SGIP1: variants seen among roughly 807,000 people sequenced by gnomAD.
SGIP1 encodes SH3GL interacting endocytic adaptor 1, also known as SH3-containing GRB2-like protein 3-interacting protein 1.
Under a neutral mutation model 107.5 loss-of-function variants are expected in SGIP1, and 38 were observed. That is an observed-to-expected ratio of 0.35 (90% CI 0.27 to 0.46). The LOEUF is 0.46. SGIP1 is among the 20% of genes least tolerant of loss of function. SGIP1 has a pLI of 1.00. For missense variants in SGIP1, 929 were observed against 1,019.5 expected (o/e 0.91, Z 1.21); for synonymous variants, 365 against 366.1 (o/e 1.00, Z 0.03).
At chr1:66,737,524 C>A (rs577388023) in intron 21 of SGIP1, among the ~76,000 whole-genome samples, 1 of 152,104 alleles carries the variant, frequency 6.6e-6, no homozygotes, top group Admixed American at 6.5e-5. Context: ...GAGACCCCAT[C>A]TCTACTTTTT....
At chr1:66,705,188 T>C (rs2092379549) in intron 18 of SGIP1, among the ~76,000 whole-genome samples, 1 of 152,230 alleles carries the variant, frequency 6.6e-6, no homozygotes, top group South Asian at 2.1e-4. Flanking sequence ...TTGTGTTCTC[T>C]TCTGCTGACT....
intron 17 of SGIP1, chr1:66,695,188 C>T (rs922321676): frequency 1.5e-5 from 11 of 711,980 alleles, no homozygotes; most frequent in African/African-American, 9.1e-5. Context: ...AAGTATCAAG[C>T]GACCACCAAC....
At chr1:66,581,591 A>G (rs1225986018) in intron 1 of SGIP1, among the ~76,000 whole-genome samples, 2 of 152,044 alleles carry the variant, frequency 1.3e-5, no homozygotes, top group Non-Finnish European at 2.9e-5. Flanking sequence ...CCATCTCTAT[A>G]AAAATAATTC....
intron 1 of SGIP1, among the ~76,000 whole-genome samples, chr1:66,538,735 A>T (rs888830584): frequency 1.4e-4 from 21 of 152,200 alleles, no homozygotes; most frequent in Admixed American, 1.0e-3. Flanking sequence ...TTAACCCAAT[A>T]TCTAGCTAAC....
At chr1:66,687,998 G>A (rs2088858301) in intron 15 of SGIP1, among the ~76,000 whole-genome samples, 1 of 152,172 alleles carries the variant, frequency 6.6e-6, no homozygotes, top group African/African-American at 2.4e-5. Context: ...GATAGGTTTT[G>A]CTGCTCAACT....
At chr1:66,536,603 A>G (rs1442054415) in intron 1 of SGIP1, among the ~76,000 whole-genome samples, 1 of 152,148 alleles carries the variant, frequency 6.6e-6, no homozygotes, top group African/African-American at 2.4e-5. Context: ...ATCTCTAGAG[A>G]TTGCCAGCCT....
intron 10 of SGIP1, among the ~76,000 whole-genome samples, 171 bp from the exon 11 acceptor site, chr1:66,671,773 C>T (rs901349120): frequency 1.3e-5 from 2 of 152,122 alleles, no homozygotes; most frequent in East Asian, 3.8e-4. Flanking sequence ...CTACATATGC[C>T]TAATATATGG....
At chr1:66,614,370 A>G (rs1056692473) in intron 1 of SGIP1, among the ~76,000 whole-genome samples, 1 of 152,166 alleles carries the variant, frequency 6.6e-6, no homozygotes, top group African/African-American at 2.4e-5. Flanking sequence ...TATGTTACCT[A>G]TTGTGATTTA....
In SGIP1 at chr1:66,741,299, A is replaced by G. The variant is rs776874749; in HGVS notation, c.2327A>G (p.Gln776Arg). 3.8e-6 allele frequency: 6 copies of G among 1,597,236 alleles called. No homozygotes were observed. Among genetic ancestry groups the G allele is most frequent in the Admixed American group, 1.7e-5 (1 of 57,292 alleles). ...GTGGGTTCTTTGTTGGCAAGATTTC[A>G]GTTATCTGAAGGCCCAAGCAAACCT... ...GGVGSLLARF[Q>R]LSEGPSKPSP... is the part of the protein sequence containing the mutation. The change falls in exon 24 of 25, where the codon CAG becomes CGG. Residue 776 changes from glutamine (Q) to arginine (R), a missense_variant. By Grantham distance (43) the Gln-to-Arg change is conservative. This residue lies in a region of SGIP1 where 341 missense variants were observed against 430.9 expected (regional missense o/e 0.79). Coordinates refer to ENST00000371037, the MANE Select transcript of SGIP1 (RefSeq NM_032291.4).
intron 1 of SGIP1, among the ~76,000 whole-genome samples, chr1:66,553,184 T>G (rs1157621695): frequency 6.6e-6 from 1 of 152,062 alleles, no homozygotes; most frequent in Non-Finnish European, 1.5e-5. Context: ...TCCTGTTCAT[T>G]TGCACCACAA....
chr1:66,700,241 C>A (rs1272737242), intron 18 of SGIP1, among the ~76,000 whole-genome samples: 1 of 152,008 alleles, frequency 6.6e-6, no homozygotes, highest in Admixed American at 6.5e-5. Flanking sequence ...CATGGTGGCA[C>A]GTGCCTGTAA....
At chr1:66,637,077 T>A (rs2075922739) in intron 4 of SGIP1, among the ~76,000 whole-genome samples, 1 of 152,134 alleles carries the variant, frequency 6.6e-6, no homozygotes, top group African/African-American at 2.4e-5. Context: ...AAAATCTATA[T>A]AATTACAATT....
rs1309221503 is a variant in SGIP1, at chr1:66,750,796, G to A, written c.*7701G>A. Among the ~76,000 whole-genome samples, 1 of 152,174 alleles carries A rather than the reference G, an allele frequency of 6.6e-6. No individual in the cohort carries two copies. Among genetic ancestry groups the A allele is most frequent in the African/African-American group, 2.4e-5 (1 of 41,440 alleles). On this transcript the variant is annotated 3_prime_UTR_variant, in exon 25 of 25. Coordinates refer to ENST00000371037, the MANE Select transcript of SGIP1 (RefSeq NM_032291.4). ...GACTTACTTGCTCCTTCACAGAATTGCAGCAAAGCTCTCTGCTGGGCAATG... is the reference window on the plus strand; with the variant it reads ...GACTTACTTGCTCCTTCACAGAATTACAGCAAAGCTCTCTGCTGGGCAATG...
At chr1:66,577,585 A>T (rs956479018) in intron 1 of SGIP1, among the ~76,000 whole-genome samples, 1 of 152,122 alleles carries the variant, frequency 6.6e-6, no homozygotes, top group African/African-American at 2.4e-5. Flanking sequence ...ACCTTCATTT[A>T]TTTGTATTAT....
At chr1:66,640,624 G>A (rs1245960847) in intron 5 of SGIP1, among the ~76,000 whole-genome samples, 1 of 152,162 alleles carries the variant, frequency 6.6e-6, no homozygotes, top group Non-Finnish European at 1.5e-5. Flanking sequence ...GGGGATCAAT[G>A]GAAGATAATT....
At chr1:66,586,254 CATT>C (rs1417772501) in intron 1 of SGIP1, among the ~76,000 whole-genome samples, 11 of 152,094 alleles carry the variant, frequency 7.2e-5, no homozygotes, top group Admixed American at 7.2e-4. Context: ...TTCTTGTACA[CATT>C]ATATAGATGG....
At chr1:66,603,717 G>A (rs114611422) in intron 1 of SGIP1, among the ~76,000 whole-genome samples, 1,802 of 152,216 alleles carry the variant, frequency 0.012, 30 homozygotes, top group African/African-American at 0.041. Flanking sequence ...GAATAAATTA[G>A]TTAGAAAAAG....
rs1181396985 is a variant in SGIP1 at position 66,719,316 on chromosome 1, C to G, written c.1653C>G (p.Pro551=). The G allele has an allele frequency of 3.7e-6, 6 of 1,613,114 alleles. No individual in the cohort carries two copies. In the East Asian group the frequency reaches 8.9e-5, roughly 24 times the overall value. ...CAGGTTCTTCCAGGGGACCCAGCCC[C>G]CTAACCATGGGAGCTCAGGACACTC... ...TFEGSSRGPS[P]LTMGAQDTLP... Residue 551 remains proline (P), a synonymous_variant, in exon 19 of 25, where the codon CCC becomes CCG. Coordinates refer to ENST00000371037, the MANE Select transcript of SGIP1 (RefSeq NM_032291.4).
intron 1 of SGIP1, among the ~76,000 whole-genome samples, chr1:66,590,901 A>T (rs1307821262): frequency 1.3e-5 from 2 of 152,212 alleles, no homozygotes; most frequent in African/African-American, 4.8e-5. Context: ...AGAATTTCTT[A>T]AAATGAGAAA....
Sources: allele counts gnomAD v4.1 joint callset (sites outside exome capture counted in the v4.1 genomes callset), GRCh38; gene constraint gnomAD v4.1.1; regional missense constraint gnomAD v4.1.1; transcripts MANE v1.5; gene names NCBI Gene and HGNC (gene_info 2026-07-23, HGNC 2026-07-21).